UXS1: variants seen among roughly 807,000 people sequenced by gnomAD.
UXS1 encodes the protein UDP-glucuronate decarboxylase 1.
In UXS1, 33 loss-of-function variants were observed where a neutral mutation model predicts 62.6. That is an observed-to-expected ratio of 0.53 (90% CI 0.40 to 0.70). The LOEUF (loss-of-function observed/expected upper bound fraction) is 0.70, where lower values mean the gene tolerates loss of function less well. UXS1 is among the 30% of genes least tolerant of loss of function. The pLI is 0.00. For missense variants in UXS1, 434 were observed against 556.3 expected (o/e 0.78, Z 2.21); for synonymous variants, 213 against 206.8 (o/e 1.03, Z -0.26).
intron 1 of UXS1, among the ~76,000 whole-genome samples, chr2:106,176,085 T>C (rs949652174): frequency 6.6e-6 from 1 of 152,180 alleles, no homozygotes. Flanking sequence ...CTGCTTTGCA[T>C]AGAGACTGGC....
intron 1 of UXS1, among the ~76,000 whole-genome samples, chr2:106,193,626 G>A (rs1012519511): frequency 2.0e-4 from 30 of 152,202 alleles, no homozygotes; most frequent in African/African-American, 7.2e-4. Context: ...GCGGGCCGGG[G>A]AGCCGCCCAC....
chr2:106,143,177 G>A (rs1681260618), intron 6 of UXS1, among the ~76,000 whole-genome samples: 1 of 151,732 alleles, frequency 6.6e-6, no homozygotes, highest in Non-Finnish European at 1.5e-5. Context: ...GGGAGGTCAA[G>A]GTGGGCGGAT....
chr2:106,127,837 T>C (rs1308708737), intron 7 of UXS1, among the ~76,000 whole-genome samples: 1 of 152,194 alleles, frequency 6.6e-6, no homozygotes, highest in Non-Finnish European at 1.5e-5. Context: ...GGCCTCCACA[T>C]TCAATCTCAG....
rs562539994 is a variant in UXS1, at chr2:106,167,802, CT to C, written c.95-1720del. 2.3e-3 allele frequency among the ~76,000 whole-genome samples: 356 copies of C among 152,242 alleles called. 2 individuals are homozygous for C. The highest frequency in any genetic ancestry group is 8.2e-3 in the African/African-American group (342 of 41,534). On this transcript the variant is annotated intron_variant, in intron 1 of 14. Coordinates refer to ENST00000283148, the MANE Select transcript of UXS1 (RefSeq NM_001253875.2). ...CTGGGTAAAGTGAGGCTGAGACCTACTGGGCTACATTCCCAGACTGTTAAGG... is the reference window on the plus strand; with the variant it reads ...CTGGGTAAAGTGAGGCTGAGACCTACGGGCTACATTCCCAGACTGTTAAGG...
chr2:106,105,792 C>T (rs954824173), intron 10 of UXS1, among the ~76,000 whole-genome samples: 17 of 152,220 alleles, frequency 1.1e-4, no homozygotes, highest in African/African-American at 3.6e-4. Context: ...ATCTCCTAAG[C>T]GCGGCATCAC....
intron 13 of UXS1, 73 bp from the exon 14 acceptor site, chr2:106,096,894 T>C (rs1206054438): frequency 7.0e-7 from 1 of 1,426,380 alleles, no homozygotes. Context: ...ACCATCCACA[T>C]CAAAGGCAAA....
intron 5 of UXS1, among the ~76,000 whole-genome samples, chr2:106,155,078 C>T (rs1385275771): frequency 1.3e-5 from 2 of 152,126 alleles, no homozygotes; most frequent in African/African-American, 4.8e-5. Flanking sequence ...CTTGTGTGAA[C>T]TCATTACAGT....
At chr2:106,099,786 A>T (rs1558672093) in intron 12 of UXS1, among the ~76,000 whole-genome samples, 1 of 152,274 alleles carries the variant, frequency 6.6e-6, no homozygotes. Context: ...CTGCAAGCAA[A>T]ATGAGGCTTA....
intron 1 of UXS1, among the ~76,000 whole-genome samples, chr2:106,177,092 C>A (rs1347021630): frequency 6.6e-6 from 1 of 152,106 alleles, no homozygotes; most frequent in Admixed American, 6.5e-5. Flanking sequence ...CAACTTTTTG[C>A]ACATAAAATG....
intron 6 of UXS1, among the ~76,000 whole-genome samples, chr2:106,137,101 T>C (rs1365323052): frequency 6.6e-6 from 1 of 151,998 alleles, no homozygotes; most frequent in Non-Finnish European, 1.5e-5. Flanking sequence ...AAATTATTGA[T>C]GGTCTGTCAA....
chr2:106,130,543 A>G (rs908873050), intron 6 of UXS1, among the ~76,000 whole-genome samples: 3 of 152,250 alleles, frequency 2.0e-5, no homozygotes, highest in Non-Finnish European at 4.4e-5. Context: ...CACATCCACC[A>G]TCCACAGGAG....
Position 106,096,839 on chromosome 2 carries a change from A to G in UXS1, c.1043-18T>C, listed in dbSNP as rs1677152581. 1 of 1,563,148 alleles carries G rather than the reference A, an allele frequency of 6.4e-7. No individual in the cohort carries two copies. Among genetic ancestry groups the G allele is most frequent in the Admixed American group, 1.9e-5 (1 of 52,544 alleles). On this transcript the variant is annotated intron_variant, in intron 13 of 14. Transcript: ENST00000283148. ...TCCGCTACCTGAGATGTTTAAAGAA[A>G]AAAAAGGTAGGAGAGAATCACAAAG...
chr2:106,166,699 C>CTT (rs10659239), intron 1 of UXS1, among the ~76,000 whole-genome samples: 46,428 of 126,824 alleles, frequency 0.37, 9,132 homozygotes, highest in East Asian at 0.56. Flanking sequence ...GCAGGTGAAG[C>CTT]TTTTTTTTTT....
chr2:106,099,224 G>A (rs1053198916), intron 12 of UXS1, among the ~76,000 whole-genome samples: 4 of 152,212 alleles, frequency 2.6e-5, no homozygotes, highest in African/African-American at 9.7e-5. Flanking sequence ...AGGCAGAAAT[G>A]AGTAGGCTCA....
chr2:106,194,277 C>A lies in UXS1; in HGVS notation c.-36G>T, dbSNP rs1558769259. ...CGCGCGGGTCCAGGGCCCTACCGCGCGGGGGCCCGCCTGCTGCACAATGCG... is the reference window on the plus strand; with the variant it reads ...CGCGCGGGTCCAGGGCCCTACCGCGAGGGGGCCCGCCTGCTGCACAATGCG... On this transcript the variant is annotated 5_prime_UTR_variant, in exon 1 of 15. Transcript: ENST00000283148. 2 of 1,207,258 alleles carry A rather than the reference C, an allele frequency of 1.7e-6. No individual in the cohort carries two copies. The highest frequency in any genetic ancestry group is 2.2e-5 in the South Asian group (1 of 45,628). The allele number at this position is 1,207,258 out of a possible 1,614,324, so 74.8% of individuals were successfully genotyped here.
intron 1 of UXS1, among the ~76,000 whole-genome samples, chr2:106,166,760 T>A (rs1683242316): frequency 6.7e-6 from 1 of 149,762 alleles, no homozygotes; most frequent in Non-Finnish European, 1.5e-5. Context: ...TGGTCTCTAG[T>A]GATCCTCTCG....
chr2:106,152,670 T>G (rs1682133233), intron 5 of UXS1, among the ~76,000 whole-genome samples: 1 of 152,016 alleles, frequency 6.6e-6, no homozygotes, highest in South Asian at 2.1e-4. Context: ...CTGCAACACT[T>G]GAGTCCATCC....
In UXS1 at chr2:106,118,222, C is replaced by CT. The variant is rs5833170; in HGVS notation, c.759+4747dup. Among the ~76,000 whole-genome samples, 31 of 146,032 alleles carry CT rather than the reference C, an allele frequency of 2.1e-4. No homozygotes were observed. The East Asian group carries it at 4.8e-3, about 23-fold the overall frequency. ...ACACTGCACCTGGTTTGGCTGCTTA[C>CT]TTTTTTTTTTTTTTTCCAACTCAGG... On this transcript the variant is annotated intron_variant, in intron 9 of 14. Transcript: ENST00000283148.
chr2:106,183,240 TAAAAA>T (rs56060452), intron 1 of UXS1, among the ~76,000 whole-genome samples: 32 of 135,956 alleles, frequency 2.4e-4, no homozygotes, highest in Admixed American at 1.2e-3. Context: ...AAGTCTTTTT[TAAAAA>T]AAAAAAAAAA....
Sources: allele counts gnomAD v4.1 joint callset (sites outside exome capture counted in the v4.1 genomes callset), GRCh38; gene constraint gnomAD v4.1.1; transcripts MANE v1.5; gene names NCBI Gene and HGNC (gene_info 2026-07-23, HGNC 2026-07-21).